CYP4F8: variants seen among roughly 807,000 people sequenced by gnomAD.
The protein encoded by CYP4F8 is cytochrome P450 4F8.
Under a neutral mutation model 55.0 loss-of-function variants are expected in CYP4F8, and 56 were observed. The observed-to-expected ratio is 1.02, with a 90% CI of 0.82 to 1.27. The LOEUF (loss-of-function observed/expected upper bound fraction) is 1.27, where lower values mean the gene tolerates loss of function less well. Among genes scored for constraint, CYP4F8 ranks in the 50% most tolerant of loss-of-function variants. The pLI is 0.00. For missense variants in CYP4F8, 680 were observed against 682.4 expected, an observed-to-expected ratio of 1.00 and a Z score of 0.04; for synonymous variants, 288 against 267.3, an observed-to-expected ratio of 1.08 and a Z score of -0.76.
At chr19:15,624,366 T>G (rs1344527455) in intron 9 of CYP4F8, among the ~76,000 whole-genome samples, 1 of 152,124 alleles carries the variant, frequency 6.6e-6, no homozygotes, top group African/African-American at 2.4e-5. Flanking sequence ...CTTTTCTCCT[T>G]TGTAAATTGG....
Position 15,629,201 on chromosome 19 carries a change from T to C in CYP4F8, c.1406T>C (p.Ile469Thr). The C allele has an allele frequency of 6.2e-7, 1 of 1,608,394 alleles. No individual in the cohort carries two copies. Among genetic ancestry groups the C allele is most frequent in the South Asian group, 1.1e-5 (1 of 90,200 alleles). The change falls in exon 13 of 13, where the codon ATC becomes ACC. Residue 469 changes from isoleucine (I) to threonine (T), a missense_variant. By Grantham distance (89) the Ile-to-Thr change is moderately conservative. Coordinates refer to ENST00000612078, the MANE Select transcript of CYP4F8 (RefSeq NM_007253.4). ...IPFSAGPRNC[I>T]GQKFAMAEMK... ...TCCACCTTGGCCCCCAGGAACTGCATCGGGCAGAAGTTCGCGATGGCAGAG... is the reference window on the plus strand; with the variant it reads ...TCCACCTTGGCCCCCAGGAACTGCACCGGGCAGAAGTTCGCGATGGCAGAG...
chr19:15,615,630 G>A lies in CYP4F8; in HGVS notation c.14G>A (p.Ser5Asn), dbSNP rs374515969. The change falls in exon 2 of 13, where the codon AGC becomes AAC. Residue 5 changes from serine to asparagine, a missense_variant. Ser to Asn is a conservative substitution (Grantham distance 46). Transcript: ENST00000612078. MSLL[S>N]LSWLGLRPVA... ...CTGCCCTGCAGGATGTCGCTGCTGA[G>A]CCTGTCTTGGCTGGGCCTCAGGCCG... 2 of 1,613,556 alleles carry A rather than the reference G, an allele frequency of 1.2e-6. No homozygotes were observed. The highest frequency in any genetic ancestry group is 1.3e-5 in the African/African-American group (1 of 74,914).
rs756196035 is a variant in CYP4F8, at chr19:15,623,178, C to A, written c.721C>A (p.Arg241=). The stretch of plus-strand genomic sequence containing the variant: ...AGTGAAACGGAATAACCAGTTCTTC[C>A]GGTACAAGGACTTCCTGTACTTCCT... ...LVVKRNNQFF[R]YKDFLYFLTP... Residue 241 remains arginine (R), a synonymous_variant, in exon 7 of 13, where the codon CGG becomes AGG. Transcript: ENST00000612078. The A allele has an allele frequency of 6.2e-7, 1 of 1,613,910 alleles. No individual in the cohort carries two copies. The highest frequency in any genetic ancestry group is 8.5e-7 in the Non-Finnish European group (1 of 1,179,996).
At chr19:15,618,576 C>T (rs959966452) in intron 3 of CYP4F8, 3 of 332,480 alleles carry the variant, frequency 9.0e-6, no homozygotes, top group African/African-American at 4.3e-5. Context: ...GGGTGTGGAA[C>T]GATGAGTGAT....
chr19:15,617,163 AC>A (rs748299949), intron 2 of CYP4F8, among the ~76,000 whole-genome samples: 12 of 152,024 alleles, frequency 7.9e-5, no homozygotes, highest in Non-Finnish European at 1.6e-4. Flanking sequence ...TGTGGAGCCC[AC>A]CCCACGTGAC....
At chr19:15,623,029 G>A in intron 6 of CYP4F8, 76 bp from the exon 7 acceptor site, 2 of 1,514,004 alleles carry the variant, frequency 1.3e-6, no homozygotes, top group Admixed American at 4.0e-5. Flanking sequence ...TGTGGTCCTG[G>A]GATTCTGGCT....
In CYP4F8 at chr19:15,619,493, C is replaced by T. The variant is rs1972165288; in HGVS notation, c.347C>T (p.Ala116Val). ...IVRSVINTSD[A>V]ITDKDIVFYK... Reference sequence around the variant, plus strand: ...TGATGGTCCTCATTCATGTCAGATGCCATTACAGACAAGGACATAGTCTTC... The same window carrying T: ...TGATGGTCCTCATTCATGTCAGATGTCATTACAGACAAGGACATAGTCTTC... The change falls in exon 4 of 13, where the codon GCC (alanine) becomes GTC (valine). Residue 116 changes from alanine to valine, a missense_variant. Physicochemically the swap from Ala to Val is moderately conservative, Grantham distance 64 (BLOSUM62 0). Coordinates refer to ENST00000612078, the MANE Select transcript of CYP4F8 (RefSeq NM_007253.4). 2 of 1,614,128 alleles carry T rather than the reference C, an allele frequency of 1.2e-6. No homozygotes were observed. The highest frequency in any genetic ancestry group is 1.1e-5 in the South Asian group (1 of 91,084).
intron 9 of CYP4F8, among the ~76,000 whole-genome samples, chr19:15,624,601 C>A (rs1972239240): frequency 6.6e-6 from 1 of 152,162 alleles, no homozygotes; most frequent in Admixed American, 6.5e-5. Context: ...CCTAGAAGTG[C>A]AACTGCTGAG....
In CYP4F8 at chr19:15,625,305, C is replaced by A. The variant is rs544117376; in HGVS notation, c.1115+1211C>A. Among the ~76,000 whole-genome samples the A allele has an allele frequency of 2.7e-5, 4 of 147,926 alleles. No individual in the cohort carries two copies. The East Asian group carries it at 7.9e-4, about 29-fold the overall frequency. ...CTTGTGTCATGATTCTAAATAACAA[C>A]AAATTCACAAGAAACTATGTGTGTG... On this transcript the variant is annotated intron_variant, in intron 9 of 12. Transcript: ENST00000612078.
intron 3 of CYP4F8, chr19:15,618,496 A>G (rs1972152977): frequency 2.6e-6 from 1 of 381,240 alleles, no homozygotes; most frequent in Middle Eastern, 3.7e-4. Context: ...AGGCTGTGAC[A>G]GAGCATAGGA....
At chr19:15,617,931 T>C in intron 2 of CYP4F8, 69 bp from the exon 3 acceptor site, 1 of 1,550,604 alleles carries the variant, frequency 6.4e-7, no homozygotes, top group South Asian at 1.2e-5. Context: ...AATGTTTGAC[T>C]GGATATCTGG....
Position 15,623,959 on chromosome 19 carries a change from C to A in CYP4F8, c.986-6C>A. The A allele has an allele frequency of 6.2e-7, 1 of 1,613,926 alleles. No homozygotes were observed. The highest frequency in any genetic ancestry group is 8.5e-7 in the Non-Finnish European group (1 of 1,179,890). ...AGAGACTCAAGCCTGCCTGGCTGAC[C>A]CTCAGGCCATGACACCACGGCCAGT... On this transcript the variant is annotated splice_region_variant and splice_polypyrimidine_tract_variant and intron_variant, in intron 8 of 12. Coordinates refer to ENST00000612078, the MANE Select transcript of CYP4F8 (RefSeq NM_007253.4).
rs979197280 is a variant in CYP4F8 at position 15,629,592 on chromosome 19, A to G, written c.*234A>G. On this transcript the variant is annotated 3_prime_UTR_variant, in exon 13 of 13. Coordinates refer to ENST00000612078, the MANE Select transcript of CYP4F8 (RefSeq NM_007253.4). Reference sequence around the variant, plus strand: ...GGGTGAGCACAGGAGCCCCGTGCTGAGGGTGGGATCTCCCAGAGTCTAAGT... The same window carrying G: ...GGGTGAGCACAGGAGCCCCGTGCTGGGGGTGGGATCTCCCAGAGTCTAAGT... 6.0e-6 allele frequency: 3 copies of G among 500,466 alleles called. No individual in the cohort carries two copies. Among genetic ancestry groups the G allele is most frequent in the Non-Finnish European group, 1.0e-5 (3 of 296,060 alleles). 31.0% of individuals were successfully genotyped at this position (500,466 alleles called of 1,614,324 possible).
chr19:15,619,161 T>A (rs1277641614), intron 3 of CYP4F8: 3 of 259,824 alleles, frequency 1.2e-5, no homozygotes, highest in African/African-American at 6.6e-5. Flanking sequence ...GAATTCTGTC[T>A]TTAACTCTTA....
chr19:15,615,751 C>T lies in CYP4F8; in HGVS notation c.135C>T (p.Gly45=), dbSNP rs766862948. Residue 45 remains glycine (G), a synonymous_variant, in exon 2 of 13, where the codon GGC becomes GGT. Coordinates refer to ENST00000612078, the MANE Select transcript of CYP4F8 (RefSeq NM_007253.4). The stretch of plus-strand genomic sequence containing the variant: ...GGACCTATGCCTTCTATCACAACGG[C>T]CGCCGCCTCCGGTGTTTCCCGCAGC... The part of the protein sequence containing the change: ...LAWTYAFYHN[G]RRLRCFPQPR... The T allele has an allele frequency of 4.0e-5, 64 of 1,613,760 alleles. No homozygotes were observed. Among genetic ancestry groups the T allele is most frequent in the Non-Finnish European group, 5.3e-5 (62 of 1,179,830 alleles).
At chr19:15,627,291 T>C (rs1237821667) in intron 9 of CYP4F8, 1 of 151,998 alleles carries the variant, frequency 6.6e-6, no homozygotes, top group Admixed American at 6.6e-5. Flanking sequence ...CTGGCCAACA[T>C]GGTGAAACCC....
At chr19:15,624,182 A>T in intron 9 of CYP4F8, 88 bp downstream of exon 9, 1 of 1,546,470 alleles carries the variant, frequency 6.5e-7, no homozygotes, top group Non-Finnish European at 8.7e-7. Context: ...AAAGGGGAGG[A>T]TCTTTTTGAT....
Position 15,622,037 on chromosome 19 carries a change from A to T in CYP4F8, c.526-182A>T, listed in dbSNP as rs1298670678. 1.1e-5 allele frequency: 8 copies of T among 727,654 alleles called. No individual in the cohort carries two copies. In the East Asian group the frequency reaches 2.3e-4, roughly 21 times the overall value. 45.1% of individuals were successfully genotyped at this position (727,654 alleles called of 1,614,324 possible). On this transcript the variant is annotated intron_variant, in intron 5 of 12. Transcript: ENST00000612078. The stretch of plus-strand genomic sequence containing the variant: ...GCTGGGGCTTGAACCCAGCCATGGG[A>T]TCTTCATCTCCTAATAGTAACAGCT...
intron 6 of CYP4F8, 101 bp from the exon 7 acceptor site, chr19:15,623,004 C>T (rs1972213624): frequency 1.5e-6 from 2 of 1,364,084 alleles, no homozygotes; most frequent in South Asian, 2.8e-5. Flanking sequence ...GCAGGACACC[C>T]CTTTCTGCAT....
Sources: gnomAD v4.1 joint callset for allele counts (sites outside exome capture counted in the v4.1 genomes callset) on GRCh38, gnomAD v4.1.1 for gene constraint, MANE v1.5 for transcripts, NCBI Gene and HGNC (gene_info 2026-07-23, HGNC 2026-07-21) for gene names.